The following NOTCH2NLR variants were observed in gnomAD, a reference collection of about 807,000 sequenced individuals.
The protein encoded by NOTCH2NLR is notch 2 N-terminal like R (pseudogene).
Under a neutral mutation model 35.6 loss-of-function variants are expected in NOTCH2NLR, and 33 were observed. The ratio of observed to expected loss-of-function variants is 0.93; its 90% CI spans 0.70 to 1.24. The LOEUF is 1.24. Among genes scored for constraint, NOTCH2NLR ranks in the 50% most tolerant of loss-of-function variants. The pLI, the probability that NOTCH2NLR is intolerant of heterozygous loss-of-function variation, is 0.00. For synonymous variants in NOTCH2NLR, 103 were observed against 141.0 expected (o/e 0.73, Z 1.91); for missense variants, 276 against 362.2 (o/e 0.76, Z 1.93).
rs1651512241 is a variant in NOTCH2NLR at position 120,793,179 on chromosome 1, C to G, written c.434C>G (p.Thr145Ser). ...CCTTTAGGTAAGGAGTGCCAATGGA[C>G]CGATGCCTGCCTGTCTCATCTCTGT... is the stretch of plus-strand genomic sequence containing the variant. Residue 145 changes from threonine (T) to serine (S), a missense_variant, in exon 4 of 5, where the codon ACC becomes AGC. By Grantham distance (58) the Thr-to-Ser change is moderately conservative. Coordinates refer to ENST00000624419, the Ensembl canonical transcript of NOTCH2NLR. 8.4e-5 allele frequency: 121 copies of G among 1,438,490 alleles called. 27 individuals are homozygous for G. Among genetic ancestry groups the G allele is most frequent in the Non-Finnish European group, 3.2e-5 (34 of 1,078,490 alleles). 89.1% of individuals were successfully genotyped at this position (1,438,490 alleles called of 1,614,324 possible).
chr1:120,783,630 C>T (rs1651390415), intron 2 of NOTCH2NLR, among the ~76,000 whole-genome samples: 1 of 104,370 alleles, frequency 9.6e-6, no homozygotes. Flanking sequence ...ACATATGGGA[C>T]TGGAACAGTG....
chr1:120,752,555 T>TATATATATATA (rs1286857308), intron 1 of NOTCH2NLR, among the ~76,000 whole-genome samples: 8 of 6,612 alleles, frequency 1.2e-3, no homozygotes, highest in East Asian at 8.9e-3. Context: ...TATATATATA[T>TATATATATATA]TTTTTTTTTT....
rs1304013126 is a variant in NOTCH2NLR at position 120,727,345 on chromosome 1, T to G, written c.73+3095T>G. Among the ~76,000 whole-genome samples, 3 of 111,732 alleles carry G rather than the reference T, an allele frequency of 2.7e-5. 1 individual carries two copies. The highest frequency in any genetic ancestry group is 5.1e-5 in the Non-Finnish European group (3 of 59,310). 73.3% of individuals were successfully genotyped at this position (111,732 alleles called of 152,430 possible). ...ATGAGGTCTTTCTAAATTTAAGAAA[T>G]TTCCATAACAAATGTAACCTTAGTC... On this transcript the variant is annotated intron_variant, in intron 1 of 4. Transcript: ENST00000624419.
intron 3 of NOTCH2NLR, among the ~76,000 whole-genome samples, chr1:120,790,751 T>C (rs1464474858): frequency 0.73 from 77,132 of 104,990 alleles, 33,062 homozygotes; most frequent in Non-Finnish European, 0.76. Context: ...AGGTATGCGC[T>C]ATGAAGCCCG....
rs1651400134 is a variant in NOTCH2NLR, at chr1:120,784,498, T to C, written c.156-476T>C. ...TTTGCTGTTCCCTTTCTCATGAATG[T>C]GTTTCCCTAAGATACCTGCATGATT... On this transcript the variant is annotated intron_variant, in intron 2 of 4. Coordinates refer to ENST00000624419, the Ensembl canonical transcript of NOTCH2NLR. Among the ~76,000 whole-genome samples the C allele has an allele frequency of 2.6e-5, 3 of 117,166 alleles. 1 individual carries two copies. The highest frequency in any genetic ancestry group is 9.9e-5 in the African/African-American group (2 of 20,172). The allele number at this position is 117,166 out of a possible 152,430, so 76.9% of individuals were successfully genotyped here.
chr1:120,790,116 C>T (rs1447305339), intron 3 of NOTCH2NLR, among the ~76,000 whole-genome samples: 1 of 93,898 alleles, frequency 1.1e-5, no homozygotes, highest in Non-Finnish European at 1.9e-5. Flanking sequence ...CCCGGGTTCA[C>T]GCCATTCTTC....
At chr1:120,776,531 A>C (rs1651308540) in intron 2 of NOTCH2NLR, among the ~76,000 whole-genome samples, 1 of 24,458 alleles carries the variant, frequency 4.1e-5, no homozygotes, top group Admixed American at 4.6e-4. Context: ...TTCAAGAATC[A>C]TTTAATATAT....
intron 1 of NOTCH2NLR, among the ~76,000 whole-genome samples, chr1:120,755,942 T>G (rs1275372832): frequency 0.79 from 76,089 of 96,122 alleles, 33,595 homozygotes; most frequent in African/African-American, 0.89. Flanking sequence ...GCTTTTTTTT[T>G]TTTTTTTTTT....
intron 2 of NOTCH2NLR, among the ~76,000 whole-genome samples, chr1:120,778,266 C>T (rs1247479659): frequency 3.8e-5 from 2 of 52,016 alleles, no homozygotes; most frequent in Non-Finnish European, 6.4e-5. Context: ...CAGCTCCCCC[C>T]TCTAGAGCTC....
chr1:120,784,084 C>T (rs1309789586), intron 2 of NOTCH2NLR, among the ~76,000 whole-genome samples: 3 of 116,812 alleles, frequency 2.6e-5, no homozygotes, highest in Non-Finnish European at 4.9e-5. Context: ...AGCTGTGAAA[C>T]AATAATTTGG....
chr1:120,793,285 G>C, exon 4 of NOTCH2NLR: 1 of 1,393,290 alleles, frequency 7.2e-7, no homozygotes, highest in East Asian at 2.4e-5. Flanking sequence ...AGAAGTGTGA[G>C]ACTGATGTCA....
chr1:120,724,136 G>A lies in NOTCH2NLR; in HGVS notation c.-42G>A, dbSNP rs1463936632. On this transcript the variant is annotated 5_prime_UTR_variant, in exon 1 of 5. Transcript: ENST00000624419. ...CCCATGTGGATCTGCCCAGGCGGCG[G>A]CGGCGGCGGCGGCGGAGGAGGAGGA... 2.2e-6 allele frequency: 3 copies of A among 1,362,216 alleles called. 1 individual carries two copies. Among genetic ancestry groups the A allele is most frequent in the South Asian group, 1.4e-5 (1 of 73,848 alleles). 84.4% of individuals were successfully genotyped at this position (1,362,216 alleles called of 1,614,324 possible).
Position 120,724,191 on chromosome 1 carries a change from G to A in NOTCH2NLR, c.14G>A (p.Arg5His). The change falls in exon 1 of 5, where the codon CGT becomes CAT. Residue 5 changes from arginine to histidine, a missense_variant. Arg to His is a conservative substitution (Grantham distance 29). Transcript: ENST00000624419. ...GCGACCGAGAAGATGCCCGCCCTGC[G>A]TCCCGCTCTGCTGTGGGCGCTGCTG... 2 of 1,398,856 alleles carry A rather than the reference G, an allele frequency of 1.4e-6. 1 individual carries two copies. Among genetic ancestry groups the A allele is most frequent in the Non-Finnish European group, 1.9e-6 (2 of 1,067,246 alleles). The allele number at this position is 1,398,856 out of a possible 1,614,324, so 86.7% of individuals were successfully genotyped here.
intron 2 of NOTCH2NLR, among the ~76,000 whole-genome samples, chr1:120,778,031 T>G (rs1651317813): frequency 2.3e-5 from 2 of 85,930 alleles, no homozygotes; most frequent in South Asian, 3.5e-4. Context: ...CATAGGAACT[T>G]TCACTGGTTC....
In NOTCH2NLR at chr1:120,733,111, T is replaced by A. The variant is rs1193384553; in HGVS notation, c.73+8861T>A. Among the ~76,000 whole-genome samples, 5 of 87,986 alleles carry A rather than the reference T, an allele frequency of 5.7e-5. 1 individual carries two copies. Among genetic ancestry groups the A allele is most frequent in the Admixed American group, 3.5e-4 (3 of 8,490 alleles). 57.7% of individuals were successfully genotyped at this position (87,986 alleles called of 152,430 possible). A position where few individuals can be genotyped will look rare whatever the true frequency, so the allele number is the denominator to read the frequency against. The stretch of plus-strand genomic sequence containing the variant: ...AGATTTAGAAAAGCTGTTGATTTAT[T>A]TTTATATATATATATATATATGTTT... On this transcript the variant is annotated intron_variant, in intron 1 of 4. Coordinates refer to ENST00000624419, the Ensembl canonical transcript of NOTCH2NLR.
In NOTCH2NLR at chr1:120,733,202, AG is replaced by A. The variant is rs1356682816; in HGVS notation, c.73+8954del. The stretch of plus-strand genomic sequence containing the variant: ...CACATAATATACTATTGTCAACACT[AG>A]GTTTTATTTTTAAAAATCTTTACCA... On this transcript the variant is annotated intron_variant, in intron 1 of 4. Coordinates refer to ENST00000624419, the Ensembl canonical transcript of NOTCH2NLR. Among the ~76,000 whole-genome samples, 7 of 104,084 alleles carry A rather than the reference AG, an allele frequency of 6.7e-5. 1 individual carries two copies. The highest frequency in any genetic ancestry group is 5.3e-5 in the Non-Finnish European group (3 of 56,970). The allele number at this position is 104,084 out of a possible 152,430, so 68.3% of individuals were successfully genotyped here.
At chr1:120,767,813 G>A (rs1416060508) in intron 2 of NOTCH2NLR, among the ~76,000 whole-genome samples, 1 of 110,946 alleles carries the variant, frequency 9.0e-6, no homozygotes, top group Non-Finnish European at 1.7e-5. Context: ...AAGTTCACTA[G>A]GATTCTGGGG....
Position 120,785,202 on chromosome 1 carries a change from C to T in NOTCH2NLR, c.384C>T (p.Thr128=). ...CATGCCATATGCTCAGCCGGGATAC[C>T]TATGAGTGCACCTGTCAAGTCGGGT... The change falls in exon 3 of 5, where the codon ACC becomes ACT. Residue 128 remains threonine, a synonymous_variant. Transcript: ENST00000624419. 4 of 1,445,520 alleles carry T rather than the reference C, an allele frequency of 2.8e-6. 1 individual carries two copies. Among genetic ancestry groups the T allele is most frequent in the East Asian group, 4.7e-5 (2 of 42,890 alleles). The allele number at this position is 1,445,520 out of a possible 1,614,324, so 89.5% of individuals were successfully genotyped here. A position where few individuals can be genotyped will look rare whatever the true frequency, so the allele number is the denominator to read the frequency against.
At position 120,764,010 on chromosome 1, in the gene NOTCH2NLR, A is replaced by G. The variant is rs1398223008; in HGVS notation, c.155+301A>G. Among the ~76,000 whole-genome samples the G allele has an allele frequency of 1.0e-4, 12 of 115,030 alleles. 2 individuals are homozygous for G. The highest frequency in any genetic ancestry group is 7.6e-4 in the Admixed American group (9 of 11,894). The allele number at this position is 115,030 out of a possible 152,430, so 75.5% of individuals were successfully genotyped here. ...ATGCTGGTAATCCCAGCACTTCAGG[A>G]GGCTGAGTTGGGCGAATCACGAGGT... On this transcript the variant is annotated intron_variant, in intron 2 of 4. Transcript: ENST00000624419.
Sources: gnomAD v4.1 joint callset for allele counts (sites outside exome capture counted in the v4.1 genomes callset) on GRCh38, gnomAD v4.1.1 for gene constraint, MANE v1.5 for transcripts, NCBI Gene and HGNC (gene_info 2026-07-23, HGNC 2026-07-21) for gene names.